Variants in TRAK1 observed in about 807,000 individuals in gnomAD.
TRAK1 encodes the protein trafficking kinesin protein 1, also known as trafficking kinesin-binding protein 1.
Under a neutral mutation model 92.1 loss-of-function variants are expected in TRAK1, and 33 were observed. The observed-to-expected ratio is 0.36, with a 90% confidence interval of 0.27 to 0.48. TRAK1 has a LOEUF of 0.48. Ranked by LOEUF, TRAK1 falls within the 20% of genes least tolerant of loss-of-function variation. TRAK1 has a pLI of 0.99. For missense variants in TRAK1, 1,123 were observed against 1,257.9 expected (o/e 0.89, Z 1.62); for synonymous variants, 521 against 517.3 (o/e 1.01, Z -0.10).
Position 42,095,718 on chromosome 3 carries a change from GTCA to G in TRAK1, c.91+4186_91+4188del, listed in dbSNP as rs1553713896. Among the ~76,000 whole-genome samples the G allele has an allele frequency of 8.8e-4, 133 of 151,272 alleles. No individual in the cohort carries two copies. In the Middle Eastern group the frequency reaches 0.021, roughly 23 times the overall value. On this transcript the variant is annotated intron_variant, in intron 1 of 15. Coordinates refer to ENST00000327628, the MANE Select transcript of TRAK1 (RefSeq NM_001042646.3). ...TATCCCATTGTTTGGCTTTATCATC[GTCA>G]TCATCATCATCATCATCATCATCAT...
intron 2 of TRAK1, chr3:42,160,148 A>C: frequency 1.2e-5 from 13 of 1,056,346 alleles, no homozygotes; most frequent in East Asian, 7.4e-5. Context: ...CATAGGAGCC[A>C]CCCCCTTCCG....
chr3:42,180,852 C>A (rs2149379528), intron 3 of TRAK1, among the ~76,000 whole-genome samples: 1 of 152,184 alleles, frequency 6.6e-6, no homozygotes, highest in Middle Eastern at 3.4e-3. Context: ...ATTGTGCTAT[C>A]AGATACTAGA....
chr3:42,095,258 A>G (rs1705733224), intron 1 of TRAK1, among the ~76,000 whole-genome samples: 1 of 152,182 alleles, frequency 6.6e-6, no homozygotes, highest in African/African-American at 2.4e-5. Context: ...TGAGGTGGGT[A>G]CTGTTACCAC....
chr3:42,176,902 A>C lies in TRAK1; in HGVS notation c.363+12A>C. On this transcript the variant is annotated intron_variant, in intron 3 of 15. Transcript: ENST00000327628. ...GGCTTCTTGAGGAGGTAAGTGCTCC[A>C]GGGGAAGGCAAAAGAGTTGTTTATA... 1 of 1,612,950 alleles carries C rather than the reference A, an allele frequency of 6.2e-7. No homozygotes were observed. The highest frequency in any genetic ancestry group is 8.5e-7 in the Non-Finnish European group (1 of 1,178,962).
intron 6 of TRAK1, among the ~76,000 whole-genome samples, chr3:42,191,344 CG>C (rs1479987551): frequency 2.4e-4 from 36 of 152,284 alleles, no homozygotes; most frequent in African/African-American, 8.7e-4. Context: ...TAGTGGTATG[CG>C]TTTTTCAGGT....
chr3:42,163,094 C>T (rs1051541982), intron 2 of TRAK1, among the ~76,000 whole-genome samples: 3 of 152,124 alleles, frequency 2.0e-5, no homozygotes, highest in Non-Finnish European at 4.4e-5. Context: ...GTTATTATTC[C>T]CATTTTATAG....
intron 2 of TRAK1, among the ~76,000 whole-genome samples, chr3:42,157,489 A>AAAAAAAAAAAG (rs1553739632): frequency 1.2e-4 from 17 of 144,724 alleles, no homozygotes; most frequent in Non-Finnish European, 2.0e-4. Flanking sequence ...AAAAAAAAAA[A>AAAAAAAAAAAG]GGTTAACATT....
At chr3:42,086,311 C>CTTTTTTTTTTTTT (rs750932535), upstream of TRAK1, among the ~76,000 whole-genome samples, 2 of 140,478 alleles carry the variant, frequency 1.4e-5, no homozygotes, top group African/African-American at 5.5e-5. Context: ...CTTTTTCTTT[C>CTTTTTTTTTTTTT]TTTTTTTTTT....
At chr3:42,208,879 AC>A (rs1256107159) in intron 13 of TRAK1, among the ~76,000 whole-genome samples, 4 of 152,220 alleles carry the variant, frequency 2.6e-5, no homozygotes, top group Admixed American at 6.5e-5. Context: ...TGGCAAGAAC[AC>A]CGTAGCATAC....
At chr3:42,063,261 G>A (rs567822736) in intron 1 of TRAK1, among the ~76,000 whole-genome samples, 6 of 152,232 alleles carry the variant, frequency 3.9e-5, no homozygotes, top group Non-Finnish European at 5.9e-5. Flanking sequence ...ATTATTTTCC[G>A]CTTCGCGGGA....
At chr3:42,109,500 T>A (rs1389791183) in intron 1 of TRAK1, among the ~76,000 whole-genome samples, 1 of 152,232 alleles carries the variant, frequency 6.6e-6, no homozygotes, top group African/African-American at 2.4e-5. Context: ...ATTTTACTAA[T>A]CTTGAGATGG....
At chr3:42,054,390 G>C (rs1431449479) in intron 1 of TRAK1, among the ~76,000 whole-genome samples, 1 of 152,174 alleles carries the variant, frequency 6.6e-6, no homozygotes, top group Non-Finnish European at 1.5e-5. Flanking sequence ...GGTGCACCTT[G>C]AGAGCCTTGC....
intron 1 of TRAK1, among the ~76,000 whole-genome samples, chr3:42,098,226 T>TC (rs1054977988): frequency 6.6e-6 from 1 of 152,154 alleles, no homozygotes; most frequent in African/African-American, 2.4e-5. Context: ...TCTTTTTTTT[T>TC]CTTTTTAATA....
At chr3:42,144,771 G>T (rs1576603249) in intron 2 of TRAK1, among the ~76,000 whole-genome samples, 3 of 151,806 alleles carry the variant, frequency 2.0e-5, no homozygotes, top group Admixed American at 1.3e-4. Context: ...AAATGTATTT[G>T]TTTCTTGTTT....
chr3:42,157,529 G>A (rs191110637), intron 2 of TRAK1, among the ~76,000 whole-genome samples: 13 of 130,854 alleles, frequency 9.9e-5, no homozygotes, highest in African/African-American at 2.0e-4. Flanking sequence ...CACAGCAGAC[G>A]CCTCCTGAGA....
chr3:42,191,844 C>T (rs1028420610), intron 7 of TRAK1, among the ~76,000 whole-genome samples: 1 of 148,578 alleles, frequency 6.7e-6, no homozygotes, highest in Non-Finnish European at 1.5e-5. Context: ...CTCAGTTTAT[C>T]ACTGAGGTGG....
intron 2 of TRAK1, among the ~76,000 whole-genome samples, chr3:42,152,285 C>T (rs1273300351): frequency 6.6e-6 from 1 of 152,182 alleles, no homozygotes; most frequent in Non-Finnish European, 1.5e-5. Flanking sequence ...GTTGATTACC[C>T]AGTGTCTTCA....
At chr3:42,151,673 A>G (rs1007188351) in intron 2 of TRAK1, among the ~76,000 whole-genome samples, 2 of 152,244 alleles carry the variant, frequency 1.3e-5, no homozygotes, top group African/African-American at 4.8e-5. Context: ...GGAGATTTCA[A>G]TTATGTGCCA....
chr3:42,074,898 C>T (rs912125899), intron 1 of TRAK1, among the ~76,000 whole-genome samples: 4 of 152,160 alleles, frequency 2.6e-5, no homozygotes, highest in African/African-American at 9.7e-5. Flanking sequence ...TTGTTCCCTT[C>T]TTTGCGTCCA....
Sources: gnomAD v4.1 joint callset for allele counts (sites outside exome capture counted in the v4.1 genomes callset) on GRCh38, gnomAD v4.1.1 for gene constraint, MANE v1.5 for transcripts, NCBI Gene and HGNC (gene_info 2026-07-23, HGNC 2026-07-21) for gene names.